Variants in RHOA observed in about 807,000 individuals in gnomAD.
The protein encoded by RHOA is transforming protein RhoA.
RHOA carries 3 observed loss-of-function variants against 17.5 expected under a neutral mutation model. The observed-to-expected ratio is 0.17, with a 90% CI of 0.08 to 0.44. The LOEUF (loss-of-function observed/expected upper bound fraction) is 0.44. Ranked by LOEUF, RHOA falls within the 20% of genes least tolerant of loss-of-function variation. The pLI is 0.99. For synonymous variants in RHOA, 98 were observed against 88.4 expected (o/e 1.11, Z -0.61); for missense variants, 56 against 242.3 (o/e 0.23, Z 5.10).
Position 49,362,445 on chromosome 3 carries a change from T to C in RHOA, c.408+51A>G, listed in dbSNP as rs1241248044. On this transcript the variant is annotated intron_variant, in intron 4 of 4. Coordinates refer to ENST00000418115, the MANE Select transcript of RHOA (RefSeq NM_001664.4). ...TGCTGGGCTCCCCAAACCTCCAAAC[T>C]TGGGGCCCTAGTTCAAGAATACTAC... The C allele has an allele frequency of 5.9e-6, 9 of 1,519,654 alleles. No homozygotes were observed. The East Asian group carries it at 9.4e-5, about 16-fold the overall frequency. The allele number at this position is 1,519,654 out of a possible 1,614,324, so 94.1% of individuals were successfully genotyped here.
chr3:49,397,000 T>C (rs529273516), intron 1 of RHOA, among the ~76,000 whole-genome samples: 14 of 151,796 alleles, frequency 9.2e-5, no homozygotes, highest in South Asian at 4.2e-4. Flanking sequence ...CGTGGTAGCA[T>C]ATACCTGTGG....
At chr3:49,387,613 C>T (rs557114140) in intron 1 of RHOA, among the ~76,000 whole-genome samples, 13 of 151,766 alleles carry the variant, frequency 8.6e-5, no homozygotes, top group Non-Finnish European at 1.3e-4. Flanking sequence ...GGCGTGGTGG[C>T]GGGCACCTGT....
At chr3:49,389,438 C>T (rs1224100938) in intron 1 of RHOA, among the ~76,000 whole-genome samples, 1 of 152,142 alleles carries the variant, frequency 6.6e-6, no homozygotes, top group South Asian at 2.1e-4. Context: ...GAGGAACCTG[C>T]TGTGCTTCTC....
In RHOA at chr3:49,395,037, C is replaced by A. The variant is rs572793561; in HGVS notation, c.-3+16783G>T. 4.6e-5 allele frequency among the ~76,000 whole-genome samples: 7 copies of A among 151,534 alleles called. No homozygotes were observed. The East Asian group carries it at 1.4e-3, about 30-fold the overall frequency. On this transcript the variant is annotated intron_variant, in intron 1 of 4. Coordinates refer to ENST00000418115, the MANE Select transcript of RHOA (RefSeq NM_001664.4). ...GGCCGAGGCGGGCAGATCACGAGGTCAGGAGATCGAGACCATCTTGGCTAA... is the reference window on the plus strand; with the variant it reads ...GGCCGAGGCGGGCAGATCACGAGGTAAGGAGATCGAGACCATCTTGGCTAA...
At chr3:49,388,350 G>C (rs960553795) in intron 1 of RHOA, among the ~76,000 whole-genome samples, 2 of 152,118 alleles carry the variant, frequency 1.3e-5, no homozygotes, top group Admixed American at 1.3e-4. Flanking sequence ...GCCAGCTGTG[G>C]CTTTCTGAGC....
rs1053621312 is a variant in RHOA, at chr3:49,386,202, A to G, written c.-2-10611T>C. Among the ~76,000 whole-genome samples the G allele has an allele frequency of 2.0e-4, 31 of 151,650 alleles. No homozygotes were observed. The Admixed American group carries it at 2.1e-3, about 10-fold the overall frequency. ...TTTACAATGTTAAGTCTTCTGACATATGAACATGGACGCCTTTCCATTTAT... is the reference window on the plus strand; with the variant it reads ...TTTACAATGTTAAGTCTTCTGACATGTGAACATGGACGCCTTTCCATTTAT... On this transcript the variant is annotated intron_variant, in intron 1 of 4. Coordinates refer to ENST00000418115, the MANE Select transcript of RHOA (RefSeq NM_001664.4).
At chr3:49,398,544 C>T (rs889568333) in intron 1 of RHOA, among the ~76,000 whole-genome samples, 6 of 151,868 alleles carry the variant, frequency 4.0e-5, no homozygotes, top group African/African-American at 1.5e-4. Flanking sequence ...ATTTTGCTGG[C>T]AGGGCGCGGT....
chr3:49,393,692 G>GTGTA (rs2048558727), intron 1 of RHOA, among the ~76,000 whole-genome samples: 2 of 132,554 alleles, frequency 1.5e-5, no homozygotes, highest in African/African-American at 6.1e-5. Flanking sequence ...GTGTGTGTGT[G>GTGTA]TGTGTGTGTG....
intron 1 of RHOA, among the ~76,000 whole-genome samples, chr3:49,392,126 C>T (rs1258640481): frequency 1.3e-5 from 2 of 152,000 alleles, no homozygotes; most frequent in Non-Finnish European, 2.9e-5. Flanking sequence ...CCACACATGG[C>T]CAATTAATTT....
chr3:49,399,268 G>A (rs956485735), intron 1 of RHOA, among the ~76,000 whole-genome samples: 2 of 151,356 alleles, frequency 1.3e-5, no homozygotes, highest in Non-Finnish European at 2.9e-5. Flanking sequence ...TACTCGGGAG[G>A]CTGAGGCAAG....
At chr3:49,406,886 C>T (rs2048840122) in intron 1 of RHOA, 2 of 152,038 alleles carry the variant, frequency 1.3e-5, no homozygotes, top group African/African-American at 4.8e-5. Flanking sequence ...CTTGTAATCC[C>T]AACACCTTGG....
At chr3:49,387,936 C>T (rs1255368275) in intron 1 of RHOA, among the ~76,000 whole-genome samples, 3 of 151,830 alleles carry the variant, frequency 2.0e-5, no homozygotes, top group African/African-American at 7.3e-5. Context: ...ATGTCTTACA[C>T]CTGTTTACTC....
chr3:49,373,314 A>T (rs2048174942), intron 2 of RHOA: 1 of 217,404 alleles, frequency 4.6e-6, no homozygotes. Flanking sequence ...ATTGCACTCC[A>T]ACCTGGGTGA....
intron 2 of RHOA, among the ~76,000 whole-genome samples, chr3:49,369,006 C>CTTTTTTTTTTTTT (rs1160140765): frequency 6.7e-5 from 4 of 59,704 alleles, no homozygotes; most frequent in African/African-American, 3.1e-4. Flanking sequence ...CGCGCCTGGC[C>CTTTTTTTTTTTTT]TTTTTTTTTT....
At chr3:49,363,955 G>A (rs2048013194) in intron 3 of RHOA, among the ~76,000 whole-genome samples, 1 of 151,742 alleles carries the variant, frequency 6.6e-6, no homozygotes, top group South Asian at 2.1e-4. Flanking sequence ...AGGCTGAGGT[G>A]GGAGGATCAC....
At chr3:49,364,695 T>C (rs1191901332) in intron 3 of RHOA, among the ~76,000 whole-genome samples, 1 of 151,642 alleles carries the variant, frequency 6.6e-6, no homozygotes, top group Non-Finnish European at 1.5e-5. Flanking sequence ...TAAAAATAAA[T>C]AGACCAGGTG....
chr3:49,372,604 G>A (rs1269577111), intron 2 of RHOA, among the ~76,000 whole-genome samples: 1 of 151,976 alleles, frequency 6.6e-6, no homozygotes, highest in African/African-American at 2.4e-5. Context: ...CGTGGTGGCG[G>A]GCGCCTGTAG....
intron 1 of RHOA, among the ~76,000 whole-genome samples, chr3:49,393,902 C>CA (rs2048568277): frequency 6.8e-6 from 1 of 146,770 alleles, no homozygotes; most frequent in South Asian, 2.2e-4. Flanking sequence ...GATGGAGTCT[C>CA]CTCTGTTGCC....
At chr3:49,384,924 G>T (rs532264298) in intron 1 of RHOA, among the ~76,000 whole-genome samples, 1 of 151,956 alleles carries the variant, frequency 6.6e-6, no homozygotes, top group Non-Finnish European at 1.5e-5. Context: ...TTAGCCTAGC[G>T]TGGTGGCAGG....
Sources: allele counts gnomAD v4.1 joint callset (sites outside exome capture counted in the v4.1 genomes callset), GRCh38; gene constraint gnomAD v4.1.1; transcripts MANE v1.5; gene names NCBI Gene and HGNC (gene_info 2026-07-23, HGNC 2026-07-21).